The following PPP1R12A variants were observed in gnomAD, a reference collection of about 807,000 sequenced individuals.
PPP1R12A encodes the protein protein phosphatase 1 regulatory subunit 12A, also known as myosin binding subunit.
PPP1R12A carries 19 observed loss-of-function variants against 139.6 expected under a neutral mutation model. The ratio of observed to expected loss-of-function variants is 0.14; its 90% CI spans 0.09 to 0.20. The LOEUF (loss-of-function observed/expected upper bound fraction) is 0.20. Ranked by LOEUF, PPP1R12A falls within the 10% of genes least tolerant of loss-of-function variation. The probability of loss-of-function intolerance (pLI) is 1.00; values close to 1 mark genes in which losing one functional copy is unlikely to be tolerated. For missense variants in PPP1R12A, 925 were observed against 1,211.5 expected (o/e 0.76, Z 3.51); for synonymous variants, 427 against 420.6 (o/e 1.02, Z -0.19).
At chr12:79,828,215 T>G (rs559091092) in intron 5 of PPP1R12A, 105 bp downstream of exon 5, 1 of 925,390 alleles carries the variant, frequency 1.1e-6, no homozygotes, top group African/African-American at 1.7e-5. Context: ...AAAATATAAT[T>G]ATATAATGTA....
At chr12:79,798,389 C>T in intron 15 of PPP1R12A, 105 bp downstream of exon 15, 1 of 710,542 alleles carries the variant, frequency 1.4e-6, no homozygotes, top group Non-Finnish European at 2.2e-6. Flanking sequence ...AATATTTTCA[C>T]AACAAAGTGA....
intron 2 of PPP1R12A, among the ~76,000 whole-genome samples, chr12:79,865,403 C>T (rs536506057): frequency 8.5e-5 from 13 of 152,170 alleles, no homozygotes; most frequent in East Asian, 1.9e-4. Context: ...ATTTGAAAAC[C>T]GCCACAAGAC....
In PPP1R12A at chr12:79,928,575, C is replaced by T. The variant is rs1592849588; in HGVS notation, c.237+6120G>A. 3.3e-5 allele frequency among the ~76,000 whole-genome samples: 5 copies of T among 152,194 alleles called. No homozygotes were observed. The East Asian group carries it at 9.6e-4, about 29-fold the overall frequency. On this transcript the variant is annotated intron_variant, in intron 1 of 24. Transcript: ENST00000450142. ...CTATGCAGAGAAATATTTTACACTG[C>T]ACATTCTTTTAGACACAAATTTTAA... is the stretch of plus-strand genomic sequence containing the variant.
At chr12:79,885,027 GTA>G (rs1883979377) in intron 1 of PPP1R12A, among the ~76,000 whole-genome samples, 1 of 152,080 alleles carries the variant, frequency 6.6e-6, no homozygotes, top group African/African-American at 2.4e-5. Context: ...AATAGAACAA[GTA>G]TGTTTAAACA....
intron 1 of PPP1R12A, among the ~76,000 whole-genome samples, chr12:79,922,722 A>C (rs1887532757): frequency 6.6e-6 from 1 of 152,122 alleles, no homozygotes; most frequent in Non-Finnish European, 1.5e-5. Flanking sequence ...CATTAGGACA[A>C]ATACCTAATG....
intron 1 of PPP1R12A, among the ~76,000 whole-genome samples, chr12:79,902,903 T>C (rs1473099910): frequency 2.0e-5 from 3 of 151,824 alleles, no homozygotes; most frequent in Non-Finnish European, 4.4e-5. Flanking sequence ...AGGATCCTCC[T>C]CTCTTTAGAT....
intron 9 of PPP1R12A, among the ~76,000 whole-genome samples, chr12:79,814,837 A>AAAAAAAAAAT (rs1255673726): frequency 6.6e-6 from 1 of 151,044 alleles, no homozygotes; most frequent in Non-Finnish European, 1.5e-5. Context: ...AAAAAAAAAA[A>AAAAAAAAAAT]AAAATTCAAA....
intron 2 of PPP1R12A, among the ~76,000 whole-genome samples, chr12:79,858,603 C>T (rs1447812245): frequency 1.3e-5 from 2 of 152,162 alleles, no homozygotes; most frequent in African/African-American, 4.8e-5. Context: ...AACTCCTATA[C>T]TATAATATTT....
intron 1 of PPP1R12A, chr12:79,878,557 C>CTG (rs1883333665): frequency 6.6e-6 from 1 of 152,068 alleles, no homozygotes; most frequent in Non-Finnish European, 1.5e-5. Context: ...TAAAGACATA[C>CTG]CAGAGACTGA....
chr12:79,808,440 A>C (rs1397898455), intron 11 of PPP1R12A, 43 bp downstream of exon 11: 3 of 1,314,508 alleles, frequency 2.3e-6, no homozygotes, highest in South Asian at 1.2e-5. Flanking sequence ...TAGATAATAA[A>C]GATTTTATAG....
intron 1 of PPP1R12A, among the ~76,000 whole-genome samples, chr12:79,873,684 G>T (rs952221475): frequency 4.0e-4 from 60 of 151,842 alleles, no homozygotes; most frequent in African/African-American, 1.4e-3. Context: ...GGTGGTTAGG[G>T]GGCAGCAATT....
intron 2 of PPP1R12A, among the ~76,000 whole-genome samples, chr12:79,867,813 C>A (rs569749461): frequency 6.4e-4 from 97 of 152,236 alleles, no homozygotes; most frequent in African/African-American, 1.8e-3. Flanking sequence ...CTCATGAGAT[C>A]TGATGATTTT....
chr12:79,935,436 A>G (rs1888594648), upstream of PPP1R12A: 1 of 989,984 alleles, frequency 1.0e-6, no homozygotes, highest in Non-Finnish European at 1.2e-6. Context: ...TGGAACCGCA[A>G]GGCTCTACAG....
intron 1 of PPP1R12A, among the ~76,000 whole-genome samples, chr12:79,923,126 T>C (rs1256386401): frequency 6.6e-6 from 1 of 151,976 alleles, no homozygotes; most frequent in African/African-American, 2.4e-5. Context: ...ATACAAAAAT[T>C]AGCCGGGCAT....
intron 1 of PPP1R12A, among the ~76,000 whole-genome samples, chr12:79,908,283 A>G (rs1886288835): frequency 1.3e-5 from 2 of 152,218 alleles, no homozygotes; most frequent in Admixed American, 1.3e-4. Flanking sequence ...TCTTCAAAGA[A>G]CACACTGTTT....
intron 12 of PPP1R12A, among the ~76,000 whole-genome samples, chr12:79,806,655 T>C (rs1219841194): frequency 6.6e-6 from 1 of 152,240 alleles, no homozygotes; most frequent in Non-Finnish European, 1.5e-5. Flanking sequence ...TTTGGTTTTG[T>C]ATTACCCAGG....
At position 79,918,639 on chromosome 12, in the gene PPP1R12A, A is replaced by G. The variant is rs145832650; in HGVS notation, c.237+16056T>C. On this transcript the variant is annotated intron_variant, in intron 1 of 24. Transcript: ENST00000450142. ...TAAATATATTTTAAGTCCATCTACT[A>G]TTTTCCAACCCTCCTGCCGCTAAGC... Among the ~76,000 whole-genome samples the G allele has an allele frequency of 1.3e-3, 200 of 151,998 alleles. 4 individuals carry two copies. The East Asian group carries it at 0.036, about 27-fold the overall frequency.
chr12:79,885,844 C>T (rs1471638913), intron 1 of PPP1R12A, among the ~76,000 whole-genome samples: 1 of 152,128 alleles, frequency 6.6e-6, no homozygotes, highest in Admixed American at 6.6e-5. Context: ...ATTTCCTCTT[C>T]ACAGAAACAA....
intron 1 of PPP1R12A, among the ~76,000 whole-genome samples, chr12:79,924,329 G>T (rs929740227): frequency 2.0e-5 from 3 of 152,158 alleles, no homozygotes; most frequent in Admixed American, 1.3e-4. Flanking sequence ...TATGTCATCT[G>T]TCCAAACCTT....
Sources: allele counts gnomAD v4.1 joint callset (sites outside exome capture counted in the v4.1 genomes callset), GRCh38; gene constraint gnomAD v4.1.1; transcripts MANE v1.5; gene names NCBI Gene and HGNC (gene_info 2026-07-23, HGNC 2026-07-21).